FTCDNL1: variants seen among roughly 807,000 people sequenced by gnomAD.
FTCDNL1 encodes the protein formiminotransferase N-terminal subdomain-containing protein.
A neutral mutation model predicts 5.9 loss-of-function variants in FTCDNL1; 11 were observed. The ratio of observed to expected loss-of-function variants is 1.87; its 90% CI spans 1.18 to 3.10. The LOEUF (loss-of-function observed/expected upper bound fraction) is 3.10. Among genes scored for constraint, FTCDNL1 ranks in the 30% most tolerant of loss-of-function variants. FTCDNL1 has a pLI of 0.00. For synonymous variants in FTCDNL1, 58 were observed against 24.8 expected, an observed-to-expected ratio of 2.34 and a Z score of -3.99; for missense variants, 115 against 65.5, an observed-to-expected ratio of 1.76 and a Z score of -2.61.
At chr2:199,683,731 G>A in the FTCDNL1 span, among the ~76,000 whole-genome samples, 1 of 152,014 alleles carries the variant, frequency 6.6e-6, no homozygotes, top group Admixed American at 6.6e-5. Flanking sequence ...TAATACCTGC[G>A]ATGAGGCATT....
chr2:199,736,386 C>A, the FTCDNL1 span, among the ~76,000 whole-genome samples: 1 of 152,196 alleles, frequency 6.6e-6, no homozygotes, highest in Admixed American at 6.5e-5. Context: ...TGCACTCTGG[C>A]CTCCAACCTG....
chr2:199,673,712 C>T, the FTCDNL1 span, among the ~76,000 whole-genome samples: 2 of 152,062 alleles, frequency 1.3e-5, no homozygotes, highest in Non-Finnish European at 2.9e-5. Flanking sequence ...GAAAAATAAC[C>T]TGATAAAATC....
At chr2:199,765,547 TATATATA>T (rs1326523519) in intron 3 of FTCDNL1, among the ~76,000 whole-genome samples, 20 of 93,902 alleles carry the variant, frequency 2.1e-4, no homozygotes, top group African/African-American at 7.4e-4. Flanking sequence ...TATATATATA[TATATATA>T]TATTTTTTTT....
At chr2:199,671,256 G>A in the FTCDNL1 span, among the ~76,000 whole-genome samples, 1 of 152,044 alleles carries the variant, frequency 6.6e-6, no homozygotes, top group Non-Finnish European at 1.5e-5. Context: ...ATGGAAAAGG[G>A]TCTTGTAGAG....
the FTCDNL1 span, among the ~76,000 whole-genome samples, chr2:199,750,082 A>G: frequency 6.6e-6 from 1 of 151,736 alleles, no homozygotes; most frequent in Non-Finnish European, 1.5e-5. Context: ...GGCTGAGTGC[A>G]GTGGCTCACA....
intron 3 of FTCDNL1, chr2:199,760,896 C>A (rs566616374): frequency 1.4e-6 from 1 of 701,638 alleles, no homozygotes; most frequent in Non-Finnish European, 2.6e-6. Context: ...AGGCCTTACC[C>A]CTCTCCACTC....
At chr2:199,728,144 G>A in the FTCDNL1 span, among the ~76,000 whole-genome samples, 1 of 152,176 alleles carries the variant, frequency 6.6e-6, no homozygotes, top group Non-Finnish European at 1.5e-5. Flanking sequence ...TTCTAATACT[G>A]CCTTCCCCCA....
intron 3 of FTCDNL1, among the ~76,000 whole-genome samples, chr2:199,839,460 TA>T (rs1240508403): frequency 6.6e-6 from 1 of 152,214 alleles, no homozygotes; most frequent in African/African-American, 2.4e-5. Flanking sequence ...AGAGGACCAG[TA>T]AAAGAGTTCT....
At chr2:199,797,202 T>A (rs955446548) in intron 3 of FTCDNL1, among the ~76,000 whole-genome samples, 2 of 152,236 alleles carry the variant, frequency 1.3e-5, no homozygotes, top group African/African-American at 4.8e-5. Flanking sequence ...TCTATGTTCA[T>A]TAGCAACAGT....
chr2:199,812,485 G>A lies in FTCDNL1; in HGVS notation c.*220C>T. On this transcript the variant is annotated 3_prime_UTR_variant, in exon 5 of 5. Coordinates refer to ENST00000420128, the MANE Select transcript of FTCDNL1 (RefSeq NM_001363886.2). ...CTAAGAAGGTATTTTAAATGAGAGA[G>A]ATAATTAATCCCAGCAAATCGTATT... is the stretch of plus-strand genomic sequence containing the variant. The A allele has an allele frequency of 2.3e-6, 1 of 443,052 alleles. No homozygotes were observed. Among genetic ancestry groups the A allele is most frequent in the Non-Finnish European group, 4.0e-6 (1 of 252,170 alleles). 27.4% of individuals were successfully genotyped at this position (443,052 alleles called of 1,614,324 possible). A position where few individuals can be genotyped will look rare whatever the true frequency, so the allele number is the denominator to read the frequency against.
intron 3 of FTCDNL1, among the ~76,000 whole-genome samples, chr2:199,780,927 C>T (rs1239161523): frequency 6.6e-6 from 1 of 152,194 alleles, no homozygotes; most frequent in Non-Finnish European, 1.5e-5. Context: ...TGCTCTTCCT[C>T]TAGGGAACCA....
intron 3 of FTCDNL1, among the ~76,000 whole-genome samples, chr2:199,763,449 C>T (rs552528758): frequency 7.2e-5 from 11 of 152,306 alleles, no homozygotes; most frequent in Middle Eastern, 6.8e-3. Flanking sequence ...ATGTAGCCCC[C>T]ACCACCTGGA....
chr2:199,707,125 T>C, the FTCDNL1 span, among the ~76,000 whole-genome samples: 4 of 152,224 alleles, frequency 2.6e-5, no homozygotes, highest in African/African-American at 9.6e-5. Context: ...TAATGCCCCA[T>C]GGTAAAGTGT....
chr2:199,686,575 T>C, the FTCDNL1 span, among the ~76,000 whole-genome samples: 1 of 152,330 alleles, frequency 6.6e-6, no homozygotes, highest in South Asian at 2.1e-4. Context: ...ATGAAATGAT[T>C]GACAGTTCTT....
intron 4 of FTCDNL1, 55 bp from the exon 5 acceptor site, chr2:199,812,779 AT>A: frequency 1.5e-6 from 1 of 684,056 alleles, no homozygotes; most frequent in South Asian, 1.6e-5. Flanking sequence ...GTGTGCTTTA[AT>A]GAAAAATTTA....
At chr2:199,822,449 C>T (rs1701756282) in intron 3 of FTCDNL1, among the ~76,000 whole-genome samples, 1 of 152,190 alleles carries the variant, frequency 6.6e-6, no homozygotes, top group Non-Finnish European at 1.5e-5. Flanking sequence ...AAGGCTTCAG[C>T]AAGTCATCAT....
the FTCDNL1 span, among the ~76,000 whole-genome samples, chr2:199,712,474 T>C: frequency 6.6e-6 from 1 of 152,324 alleles, no homozygotes; most frequent in East Asian, 1.9e-4. Context: ...TCTCCAGCTT[T>C]GAAAACCAAA....
intron 3 of FTCDNL1, among the ~76,000 whole-genome samples, chr2:199,831,176 T>C (rs1702347090): frequency 6.6e-6 from 1 of 152,208 alleles, no homozygotes; most frequent in Non-Finnish European, 1.5e-5. Flanking sequence ...CAGTTTATTA[T>C]TGGCATGACA....
At chr2:199,839,308 C>T (rs2076518908) in intron 3 of FTCDNL1, among the ~76,000 whole-genome samples, 1 of 152,040 alleles carries the variant, frequency 6.6e-6, no homozygotes, top group South Asian at 2.1e-4. Flanking sequence ...ATAAAAGGAA[C>T]ATTTACAGAG....
Sources: allele counts gnomAD v4.1 joint callset (sites outside exome capture counted in the v4.1 genomes callset), GRCh38; gene constraint gnomAD v4.1.1; transcripts MANE v1.5; gene names NCBI Gene and HGNC (gene_info 2026-07-23, HGNC 2026-07-21).